ANKRD66: variants seen among roughly 807,000 people sequenced by gnomAD.
The protein encoded by ANKRD66 is ankyrin repeat domain-containing protein 66.
A neutral mutation model predicts 10.9 loss-of-function variants in ANKRD66; 10 were observed. The observed-to-expected ratio is 0.91, with a 90% confidence interval of 0.56 to 1.55. The LOEUF (loss-of-function observed/expected upper bound fraction) is 1.55, where lower values mean the gene tolerates loss of function less well. Among genes scored for constraint, ANKRD66 ranks in the 40% most tolerant of loss-of-function variants. The pLI, the probability that ANKRD66 is intolerant of heterozygous loss-of-function variation, is 0.00. For missense variants in ANKRD66, 252 were observed against 242.9 expected (o/e 1.04, Z -0.25); for synonymous variants, 85 against 88.4 (o/e 0.96, Z 0.22).
chr6:46,750,384 A>T (rs1179538013), intron 2 of ANKRD66, among the ~76,000 whole-genome samples: 1 of 152,114 alleles, frequency 6.6e-6, no homozygotes, highest in Non-Finnish European at 1.5e-5. Flanking sequence ...ATGACATTTT[A>T]TGAAAATAAA....
chr6:46,751,812 T>A, intron 2 of ANKRD66, 125 bp from the exon 3 acceptor site: 10 of 996,234 alleles, frequency 1.0e-5, no homozygotes, highest in Non-Finnish European at 1.4e-5. Flanking sequence ...GCCACACACA[T>A]GAGGCAAACT....
At chr6:46,754,009 G>C in intron 4 of ANKRD66, 59 bp downstream of exon 4, 1 of 1,396,400 alleles carries the variant, frequency 7.2e-7, no homozygotes, top group Admixed American at 2.2e-5. Context: ...CTGTGATCAA[G>C]ATCTTGGGTG....
intron 1 of ANKRD66, 140 bp from the exon 2 acceptor site, chr6:46,749,756 C>G (rs1328127560): frequency 3.3e-6 from 3 of 902,364 alleles, no homozygotes; most frequent in Middle Eastern, 2.4e-4. Flanking sequence ...TCTGACCCAT[C>G]GCATCAGGAC....
In ANKRD66 at chr6:46,752,016, T is replaced by C. The variant is rs949784502; in HGVS notation, c.68T>C (p.Leu23Ser). 2.0e-6 allele frequency: 3 copies of C among 1,537,292 alleles called. No homozygotes were observed. The highest frequency in any genetic ancestry group is 2.8e-5 in the African/African-American group (2 of 71,828). The change falls in exon 3 of 5, where the codon TTA (leucine) becomes TCA (serine). Residue 23 changes from leucine (L) to serine (S), a missense_variant. Transcript: ENST00000565422. ...GCTGTGGCTGCAGGAGACTACAGCT[T>C]AGTGAAGAAGATTTTGAAGAAAGGT... ...HQAVAAGDYS[L>S]VKKILKKGLC...
At chr6:46,756,325 T>G (rs1766383254) in intron 4 of ANKRD66, 1 of 166,890 alleles carries the variant, frequency 6.0e-6, no homozygotes, top group African/African-American at 2.4e-5. Flanking sequence ...TTAGATCAGC[T>G]TTGAGTTTGT....
intron 2 of ANKRD66, among the ~76,000 whole-genome samples, chr6:46,750,711 A>G (rs955674251): frequency 3.2e-4 from 47 of 149,032 alleles, no homozygotes; most frequent in Non-Finnish European, 6.5e-4. Context: ...GTGTGTACAT[A>G]TAATATACAC....
At chr6:46,758,540 C>A in intron 4 of ANKRD66, 183 bp from the exon 5 acceptor site, 1 of 470,722 alleles carries the variant, frequency 2.1e-6, no homozygotes, top group South Asian at 7.8e-5. Context: ...AATTTTTCTC[C>A]ACCTCCAAGT....
In ANKRD66 at chr6:46,753,859, G is replaced by A. The variant is rs575912166; in HGVS notation, c.301G>A (p.Ala101Thr). Residue 101 changes from alanine (A) to threonine (T), a missense_variant, in exon 4 of 5, where the codon GCT becomes ACT. By Grantham distance (58) the Ala-to-Thr change is moderately conservative (BLOSUM62 0). Coordinates refer to ENST00000565422, the MANE Select transcript of ANKRD66 (RefSeq NM_001162435.3). ...NILKTLHALH[A>T]AIDAPDFFGD... The stretch of plus-strand genomic sequence containing the variant: ...ACTCAAAACTCTCCATGCATTGCAC[G>A]CTGCCATCGACGCCCCTGACTTCTT... 1.6e-5 allele frequency: 25 copies of A among 1,551,558 alleles called. No individual in the cohort carries two copies. Among genetic ancestry groups the A allele is most frequent in the South Asian group, 1.1e-4 (9 of 84,062 alleles).
chr6:46,754,944 T>C (rs1766353365), intron 4 of ANKRD66, among the ~76,000 whole-genome samples: 1 of 152,236 alleles, frequency 6.6e-6, no homozygotes, highest in South Asian at 2.1e-4. Flanking sequence ...GACCTCAGCA[T>C]CAGCAGACAT....
intron 2 of ANKRD66, among the ~76,000 whole-genome samples, chr6:46,750,437 C>T (rs951934869): frequency 3.3e-5 from 5 of 151,850 alleles, no homozygotes; most frequent in African/African-American, 1.2e-4. Context: ...TAGGTTTACT[C>T]TCCCCTGCCC....
At chr6:46,751,433 G>C (rs1359476976) in intron 2 of ANKRD66, among the ~76,000 whole-genome samples, 1 of 152,146 alleles carries the variant, frequency 6.6e-6, no homozygotes, top group African/African-American at 2.4e-5. Context: ...ATCTCAACGG[G>C]TGTAACAACA....
chr6:46,752,785 G>A (rs1229982622), intron 3 of ANKRD66, among the ~76,000 whole-genome samples: 1 of 152,146 alleles, frequency 6.6e-6, no homozygotes, highest in African/African-American at 2.4e-5. Context: ...AAGGATAGGG[G>A]ACTTTGCTTC....
chr6:46,750,788 ATAC>A (rs1305140777), intron 2 of ANKRD66, among the ~76,000 whole-genome samples: 1 of 151,320 alleles, frequency 6.6e-6, no homozygotes, highest in Non-Finnish European at 1.5e-5. Context: ...ATATTGTTTG[ATAC>A]TACAACAATA....
chr6:46,753,882 C>A lies in ANKRD66; in HGVS notation c.324C>A (p.Phe108Leu). 1 of 1,551,674 alleles carries A rather than the reference C, an allele frequency of 6.4e-7. No homozygotes were observed. Among genetic ancestry groups the A allele is most frequent in the Non-Finnish European group, 8.7e-7 (1 of 1,147,004 alleles). Residue 108 changes from phenylalanine (F) to leucine (L), a missense_variant, in exon 4 of 5, where the codon TTC becomes TTA. Coordinates refer to ENST00000565422, the MANE Select transcript of ANKRD66 (RefSeq NM_001162435.3). ...ALHAAIDAPD[F>L]FGDTPKRIAQ... ...ACGCTGCCATCGACGCCCCTGACTTCTTTGGAGACACACCGAAGAGGATTG... is the reference window on the plus strand; with the variant it reads ...ACGCTGCCATCGACGCCCCTGACTTATTTGGAGACACACCGAAGAGGATTG...
At chr6:46,754,035 G>A (rs1361701841) in intron 4 of ANKRD66, 85 bp downstream of exon 4, 2 of 1,197,198 alleles carry the variant, frequency 1.7e-6, no homozygotes, top group South Asian at 1.7e-5. Context: ...GTGGTCTCAG[G>A]TCAATGAAAA....
At chr6:46,755,091 T>C (rs1766356886) in intron 4 of ANKRD66, among the ~76,000 whole-genome samples, 1 of 152,210 alleles carries the variant, frequency 6.6e-6, no homozygotes, top group African/African-American at 2.4e-5. Flanking sequence ...TTTCTCCTAA[T>C]CTATCACCTT....
intron 1 of ANKRD66, among the ~76,000 whole-genome samples, chr6:46,748,168 T>C (rs1265920610): frequency 6.6e-6 from 1 of 152,240 alleles, no homozygotes; most frequent in Non-Finnish European, 1.5e-5. Context: ...TGAATTTTCC[T>C]GGCATACTTA....
intron 4 of ANKRD66, chr6:46,757,947 T>C (rs2150728899): frequency 6.6e-6 from 1 of 152,318 alleles, no homozygotes; most frequent in Middle Eastern, 3.4e-3. Context: ...AGACATGGTG[T>C]GGTCTGAAGA....
chr6:46,747,380 G>C (rs1016314087), intron 1 of ANKRD66, among the ~76,000 whole-genome samples: 3 of 152,188 alleles, frequency 2.0e-5, no homozygotes, highest in African/African-American at 7.2e-5. Flanking sequence ...TTTTGGAGTT[G>C]TGAAAGCATC....
Sources: allele counts gnomAD v4.1 joint callset (sites outside exome capture counted in the v4.1 genomes callset), GRCh38; gene constraint gnomAD v4.1.1; transcripts MANE v1.5; gene names NCBI Gene and HGNC (gene_info 2026-07-23, HGNC 2026-07-21).